Variants in KIAA1549L observed in about 807,000 individuals in gnomAD.
KIAA1549L encodes KIAA1549 like.
Under a neutral mutation model 160.7 loss-of-function variants are expected in KIAA1549L, and 88 were observed. That is an observed-to-expected ratio of 0.55 (90% CI 0.46 to 0.65). The LOEUF is 0.65. Among genes scored for constraint, KIAA1549L ranks in the 30% least tolerant of loss-of-function variants. The pLI, the probability that KIAA1549L is intolerant of heterozygous loss-of-function variation, is 0.00. For missense variants in KIAA1549L, 2,258 were observed against 2,437.5 expected (o/e 0.93, Z 1.55); for synonymous variants, 950 against 976.7 (o/e 0.97, Z 0.51).
chr11:33,656,161 C>A, intron 18 of KIAA1549L, 52 bp downstream of exon 18: 1 of 1,362,234 alleles, frequency 7.3e-7, no homozygotes, highest in Non-Finnish European at 1.0e-6. Context: ...AAGGGTCAGT[C>A]CTATGTACCC....
At chr11:33,661,671 G>A (rs1852264832) in intron 20 of KIAA1549L, among the ~76,000 whole-genome samples, 1 of 152,128 alleles carries the variant, frequency 6.6e-6, no homozygotes, top group South Asian at 2.1e-4. Context: ...CCTGACATCA[G>A]GAGTGAGAGA....
intron 10 of KIAA1549L, among the ~76,000 whole-genome samples, chr11:33,577,962 C>T (rs536226173): frequency 4.6e-5 from 7 of 151,656 alleles, no homozygotes; most frequent in South Asian, 4.2e-4. Context: ...AGTTCCATGA[C>T]AGTTCTATGA....
At chr11:33,612,536 C>A (rs1030686414) in intron 15 of KIAA1549L, among the ~76,000 whole-genome samples, 4 of 152,030 alleles carry the variant, frequency 2.6e-5, no homozygotes, top group Non-Finnish European at 5.9e-5. Flanking sequence ...GGATTACAGG[C>A]GTGAGCCACT....
At chr11:33,396,997 TCTC>T (rs1198672166) in intron 1 of KIAA1549L, among the ~76,000 whole-genome samples, 1 of 150,912 alleles carries the variant, frequency 6.6e-6, no homozygotes, top group Admixed American at 6.6e-5. Flanking sequence ...TGTTTTAAGC[TCTC>T]CTCTGTTTTC....
intron 1 of KIAA1549L, among the ~76,000 whole-genome samples, chr11:33,526,482 C>T (rs1042435669): frequency 3.3e-5 from 5 of 152,190 alleles, no homozygotes; most frequent in Non-Finnish European, 5.9e-5. Flanking sequence ...GACCTGAAGA[C>T]GGATCACATC....
chr11:33,458,535 G>C (rs1851876171), intron 1 of KIAA1549L, among the ~76,000 whole-genome samples: 1 of 152,216 alleles, frequency 6.6e-6, no homozygotes, highest in African/African-American at 2.4e-5. Context: ...AGCTTGGTGA[G>C]GGAGAAGAGT....
chr11:33,393,534 G>A (rs921576655), intron 1 of KIAA1549L, among the ~76,000 whole-genome samples: 10 of 152,170 alleles, frequency 6.6e-5, no homozygotes, highest in Non-Finnish European at 1.0e-4. Context: ...GGACACACAC[G>A]GTTATTAGCC....
At chr11:33,577,900 G>A (rs7128963) in intron 10 of KIAA1549L, among the ~76,000 whole-genome samples, 56,691 of 151,970 alleles carry the variant, frequency 0.37, 13,473 homozygotes, top group African/African-American at 0.68. Flanking sequence ...CTGGCTCAGT[G>A]TCTCTTCCTC....
chr11:33,502,548 TG>T (rs1852976812), intron 1 of KIAA1549L, among the ~76,000 whole-genome samples: 1 of 152,210 alleles, frequency 6.6e-6, no homozygotes, highest in Admixed American at 6.5e-5. Flanking sequence ...GGAGTTTCAG[TG>T]TTTTATTTAA....
intron 1 of KIAA1549L, among the ~76,000 whole-genome samples, chr11:33,436,300 C>T (rs1203301794): frequency 1.3e-5 from 2 of 152,106 alleles, no homozygotes; most frequent in Non-Finnish European, 2.9e-5. Flanking sequence ...ATGAGAAGCC[C>T]AAGATCAGCA....
At chr11:33,557,511 C>A (rs1488784209) in intron 6 of KIAA1549L, among the ~76,000 whole-genome samples, 1 of 152,128 alleles carries the variant, frequency 6.6e-6, no homozygotes, top group East Asian at 1.9e-4. Flanking sequence ...TCCAAAAATA[C>A]TTCCATAGAA....
At chr11:33,481,173 GC>G (rs1157577928) in intron 1 of KIAA1549L, among the ~76,000 whole-genome samples, 6 of 152,044 alleles carry the variant, frequency 3.9e-5, no homozygotes, top group Admixed American at 3.3e-4. Flanking sequence ...TAGCATCTGG[GC>G]TTTTTGTATA....
Position 33,538,174 on chromosome 11 carries a change from C to T in KIAA1549L, c.239-3628C>T, listed in dbSNP as rs185582237. 1.5e-4 allele frequency among the ~76,000 whole-genome samples: 23 copies of T among 152,290 alleles called. No homozygotes were observed. In the East Asian group the frequency reaches 2.5e-3, roughly 17 times the overall value. Reference sequence around the variant, plus strand: ...GAGAGCCCCTTATAAAACCAGATCTCGTGAGAACTCACTCACTATCCTGAG... The same window carrying T: ...GAGAGCCCCTTATAAAACCAGATCTTGTGAGAACTCACTCACTATCCTGAG... On this transcript the variant is annotated intron_variant, in intron 1 of 20. Transcript: ENST00000658780.
At chr11:33,456,276 G>A (rs2132985225) in intron 1 of KIAA1549L, among the ~76,000 whole-genome samples, 1 of 152,276 alleles carries the variant, frequency 6.6e-6, no homozygotes, top group East Asian at 1.9e-4. Context: ...CGGGTATCAT[G>A]GGAATGTCAT....
At chr11:33,490,419 G>A (rs1022823110) in intron 1 of KIAA1549L, among the ~76,000 whole-genome samples, 3 of 151,700 alleles carry the variant, frequency 2.0e-5, no homozygotes, top group South Asian at 4.2e-4. Flanking sequence ...CGCCCTCTGG[G>A]CTCAAGTGAT....
At chr11:33,453,609 C>T (rs1590256261) in intron 1 of KIAA1549L, among the ~76,000 whole-genome samples, 1 of 152,088 alleles carries the variant, frequency 6.6e-6, no homozygotes, top group Non-Finnish European at 1.5e-5. Flanking sequence ...TTCTGGGTCA[C>T]CTTTCTGGGC....
At chr11:33,546,427 GC>G (rs201265466) in intron 3 of KIAA1549L, among the ~76,000 whole-genome samples, 93 of 151,774 alleles carry the variant, frequency 6.1e-4, no homozygotes, top group African/African-American at 1.9e-3. Flanking sequence ...CTTCTTCCCA[GC>G]CCCCCCACCA....
At chr11:33,493,644 A>G (rs1331993271) in intron 1 of KIAA1549L, among the ~76,000 whole-genome samples, 2 of 152,214 alleles carry the variant, frequency 1.3e-5, no homozygotes, top group Non-Finnish European at 2.9e-5. Flanking sequence ...AGAAATAATG[A>G]TGGAGAATTG....
At chr11:33,661,889 AAAAAAAAAAAAAAAAAAG>A (rs1852274878) in intron 20 of KIAA1549L, among the ~76,000 whole-genome samples, 1 of 149,210 alleles carries the variant, frequency 6.7e-6, no homozygotes, top group African/African-American at 2.5e-5. Flanking sequence ...CAAAAAAAAA[AAAAAAAAAAAAAAAAAAG>A]AAACCCAAGA....
Sources: allele counts gnomAD v4.1 joint callset (sites outside exome capture counted in the v4.1 genomes callset), GRCh38; gene constraint gnomAD v4.1.1; transcripts MANE v1.5; gene names NCBI Gene and HGNC (gene_info 2026-07-23, HGNC 2026-07-21).